Variants in ULK4 observed in about 807,000 individuals in gnomAD.
ULK4 encodes unc-51 like kinase 4.
ULK4 carries 133 observed loss-of-function variants against 160.6 expected under a neutral mutation model. That is an observed-to-expected ratio of 0.83 (90% CI 0.72 to 0.96). ULK4 has a LOEUF of 0.96. Ranked by LOEUF, ULK4 falls within the 40% of genes least tolerant of loss-of-function variation. ULK4 has a pLI of 0.00. For synonymous variants in ULK4, 534 were observed against 539.8 expected (o/e 0.99, Z 0.15); for missense variants, 1,580 against 1,499.5 (o/e 1.05, Z -0.89).
chr3:41,352,778 CA>C (rs2080936425), intron 35 of ULK4, among the ~76,000 whole-genome samples: 2 of 152,182 alleles, frequency 1.3e-5, no homozygotes, highest in Admixed American at 1.3e-4. Context: ...AAAGCCCAAA[CA>C]GGAGAGTGCG....
intron 35 of ULK4, among the ~76,000 whole-genome samples, chr3:41,276,212 T>G (rs1457233832): frequency 2.6e-5 from 4 of 152,216 alleles, no homozygotes. Context: ...CTGATGATAG[T>G]AAGTAAGGAA....
At chr3:41,368,019 A>G (rs944598526) in intron 35 of ULK4, among the ~76,000 whole-genome samples, 2 of 151,944 alleles carry the variant, frequency 1.3e-5, no homozygotes, top group African/African-American at 4.8e-5. Flanking sequence ...CCAAGTTATC[A>G]ACCATCACTA....
At chr3:41,579,705 G>C (rs941630965) in intron 31 of ULK4, among the ~76,000 whole-genome samples, 6 of 151,882 alleles carry the variant, frequency 4.0e-5, no homozygotes, top group Non-Finnish European at 7.4e-5. Flanking sequence ...TGTTAGCCAG[G>C]ATGGTCTCGA....
At chr3:41,445,781 A>C (rs1454040672) in intron 34 of ULK4, among the ~76,000 whole-genome samples, 1 of 152,054 alleles carries the variant, frequency 6.6e-6, no homozygotes, top group African/African-American at 2.4e-5. Context: ...CTAGAAGAAA[A>C]CCTAGGCAAT....
At chr3:41,950,224 C>T (rs1052402755) in intron 2 of ULK4, among the ~76,000 whole-genome samples, 54 of 151,846 alleles carry the variant, frequency 3.6e-4, no homozygotes, top group African/African-American at 1.3e-3. Flanking sequence ...GCAGCTGGGA[C>T]CTCAGGTGCA....
At chr3:41,834,312 T>C (rs1331128737) in intron 18 of ULK4, among the ~76,000 whole-genome samples, 2 of 152,090 alleles carry the variant, frequency 1.3e-5, no homozygotes, top group African/African-American at 4.8e-5. Context: ...ACTACTTTTG[T>C]GCATTGGAGG....
intron 32 of ULK4, among the ~76,000 whole-genome samples, chr3:41,484,675 A>G (rs1319057052): frequency 6.6e-6 from 1 of 151,888 alleles, no homozygotes; most frequent in African/African-American, 2.4e-5. Flanking sequence ...GATGGTCTTG[A>G]TCTCCTGACC....
At chr3:41,276,743 T>C (rs1051064310) in intron 35 of ULK4, among the ~76,000 whole-genome samples, 2 of 152,154 alleles carry the variant, frequency 1.3e-5, no homozygotes, top group Admixed American at 6.5e-5. Context: ...AATCAATAAG[T>C]ATAAGGTCAA....
In ULK4 at chr3:41,836,026, T is replaced by C. The variant is rs890819826; in HGVS notation, c.1657-55A>G. ...TATTTCAAATGTATCTCTCAGTTCT[T>C]AAACCTATATGTAAAAAGCAGGATA... On this transcript the variant is annotated intron_variant, in intron 17 of 36. Coordinates refer to ENST00000301831, the MANE Select transcript of ULK4 (RefSeq NM_017886.4). The C allele has an allele frequency of 4.1e-6, 5 of 1,214,026 alleles. No individual in the cohort carries two copies. The Admixed American group carries it at 9.7e-5, about 23-fold the overall frequency. The allele number at this position is 1,214,026 out of a possible 1,614,324, so 75.2% of individuals were successfully genotyped here. A position where few individuals can be genotyped will look rare whatever the true frequency, so the allele number is the denominator to read the frequency against.
intron 31 of ULK4, among the ~76,000 whole-genome samples, chr3:41,594,222 C>CTTA (rs1323661382): frequency 6.6e-6 from 1 of 152,126 alleles, no homozygotes; most frequent in Non-Finnish European, 1.5e-5. Context: ...TAGTTGCTTA[C>CTTA]TTATACACAC....
chr3:41,908,658 C>A (rs974566579), intron 11 of ULK4, among the ~76,000 whole-genome samples: 14 of 151,974 alleles, frequency 9.2e-5, no homozygotes. Context: ...CTTGACCAGG[C>A]TGGTCTGGAA....
At chr3:41,508,242 T>G (rs917441455) in intron 32 of ULK4, among the ~76,000 whole-genome samples, 1 of 152,086 alleles carries the variant, frequency 6.6e-6, no homozygotes, top group African/African-American at 2.4e-5. Context: ...TTCACTGGAC[T>G]GGGAACCACA....
At chr3:41,886,748 G>C (rs1195366597) in intron 16 of ULK4, among the ~76,000 whole-genome samples, 1 of 151,936 alleles carries the variant, frequency 6.6e-6, no homozygotes, top group Non-Finnish European at 1.5e-5. Context: ...GCTCATTTTT[G>C]TATTTTTAGT....
At chr3:41,944,057 G>A (rs757845846) in intron 2 of ULK4, among the ~76,000 whole-genome samples, 75 of 152,210 alleles carry the variant, frequency 4.9e-4, no homozygotes, top group Non-Finnish European at 8.4e-4. Context: ...AACAGGGTCA[G>A]TAGCTCAGGT....
chr3:41,640,575 C>A (rs1289857887), intron 30 of ULK4, among the ~76,000 whole-genome samples: 2 of 152,064 alleles, frequency 1.3e-5, no homozygotes, highest in Non-Finnish European at 2.9e-5. Context: ...TGAGCTCTGT[C>A]AAGCTTCAAT....
At chr3:41,303,808 C>A (rs931897646) in intron 35 of ULK4, among the ~76,000 whole-genome samples, 8 of 151,752 alleles carry the variant, frequency 5.3e-5, no homozygotes, top group African/African-American at 1.9e-4. Flanking sequence ...GAGCAGCCTG[C>A]AGTAGTATCT....
intron 20 of ULK4, among the ~76,000 whole-genome samples, chr3:41,793,206 T>C (rs1264911112): frequency 6.6e-6 from 1 of 151,376 alleles, no homozygotes; most frequent in Non-Finnish European, 1.5e-5. Flanking sequence ...AAATAGAGTC[T>C]GAGATTATAT....
intron 30 of ULK4, among the ~76,000 whole-genome samples, chr3:41,644,598 T>C (rs1301557464): frequency 3.3e-5 from 5 of 151,572 alleles, no homozygotes; most frequent in Admixed American, 1.3e-4. Context: ...GGTTTGCCAG[T>C]ATTTTATTGA....
intron 32 of ULK4, among the ~76,000 whole-genome samples, chr3:41,548,496 C>T (rs535560486): frequency 6.6e-6 from 1 of 152,204 alleles, no homozygotes; most frequent in East Asian, 1.9e-4. Flanking sequence ...GATTATCCTG[C>T]CCTATCCACC....
Sources: gnomAD v4.1 joint callset for allele counts (sites outside exome capture counted in the v4.1 genomes callset) on GRCh38, gnomAD v4.1.1 for gene constraint, MANE v1.5 for transcripts, NCBI Gene and HGNC (gene_info 2026-07-23, HGNC 2026-07-21) for gene names.